PLBD1: variants seen among roughly 807,000 people sequenced by gnomAD.
PLBD1 encodes phospholipase B domain containing 1.
Under a neutral mutation model 63.0 loss-of-function variants are expected in PLBD1, and 60 were observed. The ratio of observed to expected loss-of-function variants is 0.95; its 90% CI spans 0.77 to 1.18. The LOEUF is 1.18. Ranked by LOEUF, PLBD1 falls within the 50% of genes most tolerant of loss-of-function variation. The pLI, the probability that PLBD1 is intolerant of heterozygous loss-of-function variation, is 0.00. For missense variants in PLBD1, 598 were observed against 677.9 expected (o/e 0.88, Z 1.31); for synonymous variants, 262 against 248.0 (o/e 1.06, Z -0.53).
At chr12:14,530,442 TTTG>T (rs1217497696) in intron 6 of PLBD1, among the ~76,000 whole-genome samples, 2 of 152,186 alleles carry the variant, frequency 1.3e-5, no homozygotes, top group African/African-American at 4.8e-5. Flanking sequence ...TTTGGAGCAA[TTTG>T]TTATGTGGCA....
At chr12:14,562,160 T>C (rs1378626401) in intron 1 of PLBD1, among the ~76,000 whole-genome samples, 1 of 152,180 alleles carries the variant, frequency 6.6e-6, no homozygotes, top group Non-Finnish European at 1.5e-5. Context: ...CAGTTTTCTC[T>C]AGGAAGACTG....
chr12:14,525,602 C>A (rs142244667), intron 6 of PLBD1, among the ~76,000 whole-genome samples: 2 of 151,802 alleles, frequency 1.3e-5, no homozygotes, highest in South Asian at 4.2e-4. Flanking sequence ...AGCTAGCCCA[C>A]GACAAAGCTG....
chr12:14,542,437 G>A (rs1945581701), intron 2 of PLBD1, 146 bp from the exon 3 acceptor site: 2 of 596,096 alleles, frequency 3.4e-6, no homozygotes, highest in Non-Finnish European at 5.9e-6. Flanking sequence ...TAAATGCACA[G>A]TTTCAAATTG....
chr12:14,503,676 A>T lies in PLBD1; in HGVS notation c.*96T>A. The stretch of plus-strand genomic sequence containing the variant: ...CAGTGGGAAATGAAAGTGACAAATT[A>T]ATATATTTTATTGCATAATTCTGAT... On this transcript the variant is annotated 3_prime_UTR_variant, in exon 11 of 11. Transcript: ENST00000240617. 1 of 1,201,830 alleles carries T rather than the reference A, an allele frequency of 8.3e-7. No individual in the cohort carries two copies. Among genetic ancestry groups the T allele is most frequent in the Non-Finnish European group, 1.2e-6 (1 of 851,214 alleles). 74.4% of individuals were successfully genotyped at this position (1,201,830 alleles called of 1,614,324 possible). A position where few individuals can be genotyped will look rare whatever the true frequency, so the allele number is the denominator to read the frequency against.
chr12:14,512,491 AAAAGT>A (rs1184309312), intron 6 of PLBD1, among the ~76,000 whole-genome samples: 4 of 152,156 alleles, frequency 2.6e-5, no homozygotes, highest in Non-Finnish European at 5.9e-5. Flanking sequence ...CTACATTTAG[AAAAGT>A]AAAGATGGTT....
chr12:14,526,515 C>T (rs1313118008), intron 6 of PLBD1, among the ~76,000 whole-genome samples: 3 of 152,158 alleles, frequency 2.0e-5, no homozygotes, highest in African/African-American at 4.8e-5. Context: ...AATTAAGGTA[C>T]ATCTCTAAAG....
chr12:14,506,923 T>A lies in PLBD1; in HGVS notation c.1372+10A>T, dbSNP rs201174379. 41 of 1,604,890 alleles carry A rather than the reference T, an allele frequency of 2.6e-5. No individual in the cohort carries two copies. The highest frequency in any genetic ancestry group is 6.7e-5 in the Admixed American group (4 of 59,486). ...TTTGAAGAATGATTCTTGAGAAATA[T>A]GCTACGTACTGTTGTATCGCATGAT... is the stretch of plus-strand genomic sequence containing the variant. On this transcript the variant is annotated intron_variant, in intron 9 of 10. Transcript: ENST00000240617.
At chr12:14,510,616 A>G (rs945332597) in intron 8 of PLBD1, among the ~76,000 whole-genome samples, 16 of 152,226 alleles carry the variant, frequency 1.1e-4, no homozygotes, top group African/African-American at 3.6e-4. Flanking sequence ...TCAGTTTTAT[A>G]GATGAGGAAA....
At chr12:14,525,725 A>ACACACACGCACACACACTT (rs57220320) in intron 6 of PLBD1, among the ~76,000 whole-genome samples, 1 of 151,760 alleles carries the variant, frequency 6.6e-6, no homozygotes, top group African/African-American at 2.4e-5. Flanking sequence ...GCACACACAC[A>ACACACACGCACACACACTT]CTTGTTTTAA....
intron 2 of PLBD1, among the ~76,000 whole-genome samples, chr12:14,549,400 C>A (rs1945639676): frequency 6.6e-6 from 1 of 152,184 alleles, no homozygotes; most frequent in African/African-American, 2.4e-5. Flanking sequence ...TCAAAGACTG[C>A]AAAGCAGAGG....
At chr12:14,557,651 T>C (rs749186774) in intron 1 of PLBD1, among the ~76,000 whole-genome samples, 7 of 151,994 alleles carry the variant, frequency 4.6e-5, no homozygotes, top group Non-Finnish European at 8.8e-5. Flanking sequence ...AATGGACACA[T>C]AGAAGGGAAC....
In PLBD1 at chr12:14,511,581, T is replaced by C. The variant is rs751709453; in HGVS notation, c.975A>G (p.Arg325=). The C allele has an allele frequency of 2.5e-6, 4 of 1,614,136 alleles. No homozygotes were observed. Among genetic ancestry groups the C allele is most frequent in the East Asian group, 2.2e-5 (1 of 44,908 alleles). The change falls in exon 7 of 11, where the codon AGA becomes AGG. Residue 325 remains arginine (R), a synonymous_variant. Transcript: ENST00000240617. ...CTGCCATCATATTGGCCACACGGAC[T>C]CTTTGCCAGGACAGGAGAGTCTCGG... ...VIPETLLSWQ[R]VRVANMMADS...
chr12:14,506,505 G>T (rs1325172489), intron 9 of PLBD1, among the ~76,000 whole-genome samples: 1 of 152,296 alleles, frequency 6.6e-6, no homozygotes, highest in Admixed American at 6.5e-5. Context: ...AAATGGATGG[G>T]AAAGAGAACC....
chr12:14,511,518 G>T lies in PLBD1; in HGVS notation c.1038C>A (p.Tyr346Ter), dbSNP rs533334750. The change falls in exon 7 of 11, where the codon TAC (tyrosine) becomes TAA (stop). Residue 346 changes from tyrosine to a stop codon, truncating the protein, a stop_gained. Transcript: ENST00000240617. LOFTEE classifies it high-confidence loss of function. ...TTCTGCAGGGTCACTTACCAGAGTTGTATTTTGAAAAGATGTCTGCCCACC... is the reference window on the plus strand; with the variant it reads ...TTCTGCAGGGTCACTTACCAGAGTTTTATTTTGAAAAGATGTCTGCCCACC... ...GKRWADIFSK[Y>*]NSGTYNNQYM... 1.2e-6 allele frequency: 2 copies of T among 1,614,202 alleles called. No homozygotes were observed. Among genetic ancestry groups the T allele is most frequent in the South Asian group, 2.2e-5 (2 of 91,074 alleles).
chr12:14,510,467 G>T (rs1945288688), intron 8 of PLBD1, among the ~76,000 whole-genome samples: 1 of 152,188 alleles, frequency 6.6e-6, no homozygotes, highest in South Asian at 2.1e-4. Context: ...AGTGAGTTCA[G>T]ATCAGGTCAT....
At chr12:14,505,124 T>C (rs77743339) in intron 10 of PLBD1, among the ~76,000 whole-genome samples, 1 of 147,626 alleles carries the variant, frequency 6.8e-6, no homozygotes, top group African/African-American at 2.4e-5. Context: ...TTTTTTTTTT[T>C]AATGTTAACA....
At chr12:14,504,921 G>T (rs990445126) in intron 10 of PLBD1, among the ~76,000 whole-genome samples, 1 of 152,186 alleles carries the variant, frequency 6.6e-6, no homozygotes, top group Admixed American at 6.5e-5. Context: ...CTCCAGAAGT[G>T]AGATTTGGTA....
At chr12:14,526,328 A>G (rs1347572677) in intron 6 of PLBD1, among the ~76,000 whole-genome samples, 3 of 152,202 alleles carry the variant, frequency 2.0e-5, no homozygotes, top group Non-Finnish European at 4.4e-5. Context: ...ACAAATTAAA[A>G]TATGCTTTGA....
At chr12:14,532,872 G>T (rs1945476996) in intron 6 of PLBD1, among the ~76,000 whole-genome samples, 1 of 152,184 alleles carries the variant, frequency 6.6e-6, no homozygotes, top group African/African-American at 2.4e-5. Flanking sequence ...CAGGATGCTG[G>T]AGGGGGATTT....
Sources: allele counts gnomAD v4.1 joint callset (sites outside exome capture counted in the v4.1 genomes callset), GRCh38; gene constraint gnomAD v4.1.1; transcripts MANE v1.5; gene names NCBI Gene and HGNC (gene_info 2026-07-23, HGNC 2026-07-21).